The following APP variants were observed in gnomAD, a reference collection of about 807,000 sequenced individuals.
APP encodes amyloid-beta precursor protein.
A neutral mutation model predicts 101.4 loss-of-function variants in APP; 31 were observed. That is an observed-to-expected ratio of 0.31 (90% CI 0.23 to 0.41). The LOEUF (loss-of-function observed/expected upper bound fraction) is 0.41. APP is among the 10% of genes least tolerant of loss of function. The pLI is 1.00. For missense variants in APP, 839 were observed against 1,003.7 expected, an observed-to-expected ratio of 0.84 and a Z score of 2.22; for synonymous variants, 366 against 364.4, an observed-to-expected ratio of 1.00 and a Z score of -0.05.
chr21:25,983,884 T>C (rs894900705), intron 8 of APP, among the ~76,000 whole-genome samples: 31 of 152,322 alleles, frequency 2.0e-4, no homozygotes, highest in African/African-American at 7.0e-4. Flanking sequence ...AAGAGTCATG[T>C]GGGGATTTGC....
chr21:25,972,904 C>CAG (rs149414272), intron 11 of APP, among the ~76,000 whole-genome samples: 41 of 150,560 alleles, frequency 2.7e-4, no homozygotes, highest in African/African-American at 8.0e-4. Flanking sequence ...CAACCGCTTA[C>CAG]AGAGAGAGAG....
intron 8 of APP, among the ~76,000 whole-genome samples, chr21:25,985,706 T>C (rs150932384): frequency 2.2e-3 from 330 of 152,292 alleles, no homozygotes; most frequent in African/African-American, 7.6e-3. Flanking sequence ...CCTGTTTCTC[T>C]GGAGAACCCT....
intron 1 of APP, among the ~76,000 whole-genome samples, chr21:26,116,970 G>A (rs575630395): frequency 1.8e-4 from 27 of 151,868 alleles, no homozygotes; most frequent in Admixed American, 1.5e-3. Context: ...CAACCTCTCC[G>A]CCTCCTAGGT....
At chr21:25,905,668 C>G (rs985669732) in intron 14 of APP, among the ~76,000 whole-genome samples, 2 of 152,196 alleles carry the variant, frequency 1.3e-5, no homozygotes, top group Admixed American at 6.5e-5. Flanking sequence ...TTCAAAAAGG[C>G]TGGCTTCCAT....
intron 5 of APP, among the ~76,000 whole-genome samples, chr21:26,039,075 T>A (rs1018633277): frequency 1.3e-5 from 2 of 152,240 alleles, no homozygotes; most frequent in Non-Finnish European, 1.5e-5. Context: ...CTATTACACC[T>A]GGTTTCTGTT....
chr21:25,883,759 G>C (rs973001208), intron 17 of APP, among the ~76,000 whole-genome samples: 1 of 152,174 alleles, frequency 6.6e-6, no homozygotes, highest in African/African-American at 2.4e-5. Context: ...CCTTCGGATA[G>C]CCCCACTTCA....
chr21:25,892,221 A>AGTG, intron 16 of APP, among the ~76,000 whole-genome samples: 1 of 152,194 alleles, frequency 6.6e-6, no homozygotes, highest in African/African-American at 2.4e-5. Flanking sequence ...ACATTTGGTG[A>AGTG]GTGGTGGGAA....
chr21:26,044,318 A>G (rs1303778326), intron 5 of APP, among the ~76,000 whole-genome samples: 1 of 152,178 alleles, frequency 6.6e-6, no homozygotes, highest in Non-Finnish European at 1.5e-5. Context: ...AAAGCATGAT[A>G]AAAAGAAGTC....
intron 6 of APP, among the ~76,000 whole-genome samples, chr21:26,007,796 AAAG>A (rs1462293093): frequency 6.6e-6 from 1 of 152,194 alleles, no homozygotes; most frequent in Non-Finnish European, 1.5e-5. Flanking sequence ...TTTTAATAGA[AAAG>A]AACATTTTTC....
intron 2 of APP, among the ~76,000 whole-genome samples, chr21:26,100,047 A>T (rs1248240905): frequency 1.3e-5 from 2 of 152,230 alleles, no homozygotes; most frequent in East Asian, 3.8e-4. Context: ...TGTTGAATGA[A>T]AAACAAATTG....
chr21:25,895,141 A>C (rs1212267457), intron 16 of APP, among the ~76,000 whole-genome samples: 6 of 151,660 alleles, frequency 4.0e-5, no homozygotes, highest in Non-Finnish European at 8.8e-5. Flanking sequence ...ATGCTATTGC[A>C]CATGTAACAG....
At chr21:26,016,549 C>A (rs2044070367) in intron 6 of APP, among the ~76,000 whole-genome samples, 1 of 152,046 alleles carries the variant, frequency 6.6e-6, no homozygotes, top group Non-Finnish European at 1.5e-5. Context: ...CATCACTTAA[C>A]CAGTTATGTG....
At chr21:25,990,295 C>T (rs1156980797) in intron 8 of APP, among the ~76,000 whole-genome samples, 2 of 152,144 alleles carry the variant, frequency 1.3e-5, no homozygotes, top group Admixed American at 1.3e-4. Context: ...CACATACTGA[C>T]ATGGGAATTT....
chr21:25,887,875 G>A (rs759839334), intron 17 of APP, among the ~76,000 whole-genome samples: 6 of 152,112 alleles, frequency 3.9e-5, no homozygotes, highest in Non-Finnish European at 7.3e-5. Flanking sequence ...CGATCAAACC[G>A]CCCCATGCCA....
intron 1 of APP, chr21:26,140,428 C>A (rs1404053908): frequency 9.3e-6 from 12 of 1,288,712 alleles, no homozygotes; most frequent in Non-Finnish European, 1.2e-5. Context: ...AACTTCTAAG[C>A]TAACAATGGA....
intron 6 of APP, among the ~76,000 whole-genome samples, chr21:26,012,092 A>ACCT (rs34801112): frequency 0.59 from 88,481 of 150,616 alleles, 28,607 homozygotes; most frequent in Non-Finnish European, 0.74. Flanking sequence ...TGCAGGCTTG[A>ACCT]CCTCACCTGG....
At chr21:25,911,018 A>G (rs1265009504) in intron 14 of APP, among the ~76,000 whole-genome samples, 1 of 152,218 alleles carries the variant, frequency 6.6e-6, no homozygotes, top group Non-Finnish European at 1.5e-5. Context: ...CTAGGTCATT[A>G]CGTCATAAAC....
chr21:26,157,411 T>G (rs1251254576), intron 1 of APP, among the ~76,000 whole-genome samples: 1 of 152,180 alleles, frequency 6.6e-6, no homozygotes, highest in Admixed American at 6.6e-5. Flanking sequence ...AATGAAATGT[T>G]AGAAAGTAAA....
intron 1 of APP, 80 bp from the exon 2 acceptor site, chr21:26,112,226 A>G (rs1396072681): frequency 6.9e-7 from 1 of 1,447,756 alleles, no homozygotes; most frequent in East Asian, 2.3e-5. Flanking sequence ...GATAACTATC[A>G]AAAAGAGTTC....
Sources: gnomAD v4.1 joint callset for allele counts (sites outside exome capture counted in the v4.1 genomes callset) on GRCh38, gnomAD v4.1.1 for gene constraint, MANE v1.5 for transcripts, NCBI Gene and HGNC (gene_info 2026-07-23, HGNC 2026-07-21) for gene names.